ROBO2: variants seen among roughly 807,000 people sequenced by gnomAD.
ROBO2 encodes the protein roundabout guidance receptor 2.
Under a neutral mutation model 160.8 loss-of-function variants are expected in ROBO2, and 53 were observed. That is an observed-to-expected ratio of 0.33 (90% CI 0.26 to 0.41). The LOEUF is 0.41. ROBO2 is among the 10% of genes least tolerant of loss of function. ROBO2 has a pLI of 1.00. For missense variants in ROBO2, 1,577 were observed against 1,722.4 expected (o/e 0.92, Z 1.49); for synonymous variants, 664 against 611.7 (o/e 1.09, Z -1.26).
At chr3:76,788,302 C>T (rs1218426297) in intron 2 of ROBO2, among the ~76,000 whole-genome samples, 1 of 151,510 alleles carries the variant, frequency 6.6e-6, no homozygotes, top group Admixed American at 6.6e-5. Context: ...ATAAACTCCA[C>T]TCTCCTTTCC....
chr3:76,065,390 A>G (rs1208205785), intron 2 of ROBO2, among the ~76,000 whole-genome samples: 2 of 152,100 alleles, frequency 1.3e-5, no homozygotes, highest in Non-Finnish European at 2.9e-5. Context: ...AAAACTGTGT[A>G]TATGATTCAA....
chr3:77,251,136 A>T (rs978189760), intron 2 of ROBO2, among the ~76,000 whole-genome samples: 6 of 151,800 alleles, frequency 4.0e-5, no homozygotes, highest in African/African-American at 1.5e-4. Context: ...TGATGAACCC[A>T]CCCCTGTGGC....
At chr3:76,333,752 T>C (rs1363123221) in intron 2 of ROBO2, among the ~76,000 whole-genome samples, 3 of 152,172 alleles carry the variant, frequency 2.0e-5, no homozygotes, top group African/African-American at 7.2e-5. Context: ...CAGTCTGTCA[T>C]TGTTGGACAT....
In ROBO2 at chr3:76,346,166, T is replaced by C. The variant is rs138794107; in HGVS notation, c.109+408564T>C. Among the ~76,000 whole-genome samples, 522 of 152,270 alleles carry C rather than the reference T, an allele frequency of 3.4e-3. 4 individuals are homozygous for C. Among genetic ancestry groups the C allele is most frequent in the African/African-American group, 0.012 (504 of 41,552 alleles). On this transcript the variant is annotated intron_variant, in intron 2 of 26. Coordinates refer to the ROBO2 transcript ENST00000487694. ...CTGTCTTTGTTTCTTTATTTTTCTT[T>C]AAGAATTTAATAATCTCTGAGGAAA...
intron 2 of ROBO2, among the ~76,000 whole-genome samples, chr3:76,499,003 T>G (rs1243083479): frequency 6.6e-6 from 1 of 152,176 alleles, no homozygotes; most frequent in African/African-American, 2.4e-5. Flanking sequence ...CTGCTTTTAA[T>G]GCATGAGTCT....
At chr3:77,410,320 T>G (rs953188860) in intron 2 of ROBO2, among the ~76,000 whole-genome samples, 5 of 152,174 alleles carry the variant, frequency 3.3e-5, no homozygotes, top group African/African-American at 1.2e-4. Flanking sequence ...ATATTATTAT[T>G]ATTGTTTCTA....
rs766649144 is a variant in ROBO2 at position 77,577,621 on chromosome 3, C to T, written c.2328+7C>T. ...AATTATCCAAGAATACAAGGTAGGA[C>T]CCGGGTGAAGAAGGACAGCTCTCAT... On this transcript the variant is annotated splice_region_variant and intron_variant, in intron 15 of 25. Transcript: ENST00000461745. 2.5e-6 allele frequency: 4 copies of T among 1,613,082 alleles called. No homozygotes were observed. Among genetic ancestry groups the T allele is most frequent in the Non-Finnish European group, 3.4e-6 (4 of 1,179,384 alleles).
rs963684200 is a variant in ROBO2 at position 77,571,364 on chromosome 3, G to A, written c.1971+2930G>A. On this transcript the variant is annotated intron_variant, in intron 13 of 25. Transcript: ENST00000461745. ...CTGATTTTAGGGCCACATATAAGCC[G>A]TCTTCTTTTTTAGCCTGTTGCTTCC... Among the ~76,000 whole-genome samples the A allele has an allele frequency of 5.9e-5, 9 of 152,048 alleles. No individual in the cohort carries two copies. The South Asian group carries it at 6.2e-4, about 10-fold the overall frequency.
rs577379150 is a variant in ROBO2, at chr3:75,999,795, G to C, written c.109+62193G>C. Among the ~76,000 whole-genome samples, 4 of 152,266 alleles carry C rather than the reference G, an allele frequency of 2.6e-5. No individual in the cohort carries two copies. The East Asian group carries it at 7.7e-4, about 29-fold the overall frequency. On this transcript the variant is annotated intron_variant, in intron 2 of 26. Transcript: ENST00000487694. ...AGATCATAAAAAGAGATTAAAAACT[G>C]ATGAGAACATATTAAAGCCACACCA...
At chr3:76,272,929 TATATATAA>T (rs1433270862) in intron 2 of ROBO2, among the ~76,000 whole-genome samples, 7 of 19,022 alleles carry the variant, frequency 3.7e-4, no homozygotes, top group Non-Finnish European at 1.1e-3. Flanking sequence ...TATATATATT[TATATATAA>T]ATATATAAAA....
chr3:76,798,443 T>TA (rs2063942589), intron 2 of ROBO2, among the ~76,000 whole-genome samples: 1 of 152,222 alleles, frequency 6.6e-6, no homozygotes, highest in African/African-American at 2.4e-5. Context: ...TAGGGATTCA[T>TA]ACCAGTGGTG....
chr3:76,778,853 G>C (rs1313290654), intron 2 of ROBO2, among the ~76,000 whole-genome samples: 1 of 151,020 alleles, frequency 6.6e-6, no homozygotes, highest in Non-Finnish European at 1.5e-5. Context: ...CCACAAATCA[G>C]TAATTAAATA....
intron 2 of ROBO2, among the ~76,000 whole-genome samples, chr3:77,311,916 G>A (rs556099010): frequency 1.8e-3 from 271 of 152,012 alleles, no homozygotes; most frequent in African/African-American, 6.0e-3. Context: ...ATGAAACCCC[G>A]TCTCTACTAA....
intron 2 of ROBO2, among the ~76,000 whole-genome samples, chr3:76,569,624 A>C (rs1162867516): frequency 1.3e-5 from 2 of 152,184 alleles, no homozygotes; most frequent in African/African-American, 4.8e-5. Flanking sequence ...TACCTTTGTT[A>C]AGTTGTATAA....
At chr3:76,734,129 A>G (rs2093675228) in intron 2 of ROBO2, among the ~76,000 whole-genome samples, 1 of 152,148 alleles carries the variant, frequency 6.6e-6, no homozygotes, top group Non-Finnish European at 1.5e-5. Context: ...ACTTCAACAT[A>G]CGAACATGGG....
chr3:75,988,363 A>T (rs1406597379), intron 2 of ROBO2, among the ~76,000 whole-genome samples: 2 of 152,160 alleles, frequency 1.3e-5, no homozygotes, highest in Non-Finnish European at 2.9e-5. Context: ...TATGCAGAGT[A>T]AGTAATAATG....
At chr3:77,166,703 C>T (rs543061087) in intron 2 of ROBO2, among the ~76,000 whole-genome samples, 7 of 151,926 alleles carry the variant, frequency 4.6e-5, no homozygotes, top group Admixed American at 2.6e-4. Context: ...GGACTACAGG[C>T]GCCGCCACCA....
intron 2 of ROBO2, chr3:76,435,140 G>A (rs368966963): frequency 2.1e-5 from 21 of 987,404 alleles, no homozygotes; most frequent in East Asian, 7.1e-5. Flanking sequence ...AGCTTGGTCT[G>A]GTATTTGATG....
chr3:77,164,050 T>C (rs12487864), intron 2 of ROBO2, among the ~76,000 whole-genome samples: 62,124 of 151,986 alleles, frequency 0.41, 13,212 homozygotes, highest in Middle Eastern at 0.54. Context: ...GAAACATACA[T>C]AGATGTGTAG....
Sources: gnomAD v4.1 joint callset for allele counts (sites outside exome capture counted in the v4.1 genomes callset) on GRCh38, gnomAD v4.1.1 for gene constraint, MANE v1.5 for transcripts, NCBI Gene and HGNC (gene_info 2026-07-23, HGNC 2026-07-21) for gene names.